CPA6: variants seen among roughly 807,000 people sequenced by gnomAD.
The protein encoded by CPA6 is carboxypeptidase A6, also known as carboxypeptidase B.
Under a neutral mutation model 63.3 loss-of-function variants are expected in CPA6, and 58 were observed. The observed-to-expected ratio is 0.92, with a 90% CI of 0.74 to 1.14. CPA6 has a LOEUF of 1.14. CPA6 is among the 50% of genes most tolerant of loss of function. CPA6 has a pLI of 0.00. For missense variants in CPA6, 565 were observed against 526.6 expected (o/e 1.07, Z -0.71); for synonymous variants, 185 against 179.0 (o/e 1.03, Z -0.27).
intron 1 of CPA6, among the ~76,000 whole-genome samples, chr8:67,743,718 T>C (rs1817954956): frequency 1.3e-5 from 2 of 152,176 alleles, no homozygotes; most frequent in Non-Finnish European, 2.9e-5. Context: ...TACTAGTTTA[T>C]GTCTAAAGAG....
intron 1 of CPA6, among the ~76,000 whole-genome samples, chr8:67,676,014 C>A (rs1470710928): frequency 6.6e-6 from 1 of 152,198 alleles, no homozygotes; most frequent in African/African-American, 2.4e-5. Flanking sequence ...CCATGACCAA[C>A]CTGTACGTTT....
rs112600733 is a variant in CPA6 at position 67,510,124 on chromosome 8, A to G, written c.433-506T>C. Among the ~76,000 whole-genome samples the G allele has an allele frequency of 2.7e-3, 405 of 152,328 alleles. 2 individuals are homozygous for G. The highest frequency in any genetic ancestry group is 9.1e-3 in the African/African-American group (380 of 41,590). ...TTTAAAGGTTCTTTTACTGAGCTAC[A>G]TATCAGAGGGCAAACTCTGAATAAT... On this transcript the variant is annotated intron_variant, in intron 4 of 10. Coordinates refer to ENST00000297770, the MANE Select transcript of CPA6 (RefSeq NM_020361.5).
At chr8:67,721,951 TCAATGGAAGC>T (rs1483766827) in intron 1 of CPA6, among the ~76,000 whole-genome samples, 10 of 152,296 alleles carry the variant, frequency 6.6e-5, no homozygotes, top group African/African-American at 2.4e-4. Flanking sequence ...TTTCGGCCAG[TCAATGGAAGC>T]CAATTGTTCA....
intron 1 of CPA6, among the ~76,000 whole-genome samples, chr8:67,734,566 G>A (rs1319903139): frequency 1.3e-5 from 2 of 152,110 alleles, no homozygotes; most frequent in Non-Finnish European, 2.9e-5. Flanking sequence ...TCCCCCATAT[G>A]TATCCTTTTT....
intron 1 of CPA6, among the ~76,000 whole-genome samples, chr8:67,662,036 T>C (rs1816120613): frequency 6.6e-6 from 1 of 152,216 alleles, no homozygotes; most frequent in Non-Finnish European, 1.5e-5. Flanking sequence ...CCATCTTGAA[T>C]GTTCCTTCAT....
rs76371410 is a variant in CPA6, at chr8:67,693,709, C to T, written c.116+52305G>A. Among the ~76,000 whole-genome samples the T allele has an allele frequency of 5.5e-3, 832 of 152,244 alleles. 12 individuals carry two copies. Among genetic ancestry groups the T allele is most frequent in the African/African-American group, 0.019 (774 of 41,548 alleles). On this transcript the variant is annotated intron_variant, in intron 1 of 10. Coordinates refer to ENST00000297770, the MANE Select transcript of CPA6 (RefSeq NM_020361.5). Reference sequence around the variant, plus strand: ...ACAAGGAGGTGGGTCCTCACCAGACCCCAAATCTGCTGGCCCTTTCTTCTC... The same window carrying T: ...ACAAGGAGGTGGGTCCTCACCAGACTCCAAATCTGCTGGCCCTTTCTTCTC...
At chr8:67,447,653 G>A (rs1810460662) in intron 8 of CPA6, among the ~76,000 whole-genome samples, 1 of 151,786 alleles carries the variant, frequency 6.6e-6, no homozygotes, top group Non-Finnish European at 1.5e-5. Flanking sequence ...TGCTAAGATT[G>A]TTACTATTTA....
At chr8:67,567,581 C>T (rs1813370647) in intron 2 of CPA6, among the ~76,000 whole-genome samples, 1 of 152,170 alleles carries the variant, frequency 6.6e-6, no homozygotes, top group African/African-American at 2.4e-5. Context: ...GGAAAATCAA[C>T]TAGAACTATT....
At chr8:67,529,814 C>T (rs1237235540) in intron 2 of CPA6, among the ~76,000 whole-genome samples, 1 of 151,996 alleles carries the variant, frequency 6.6e-6, no homozygotes, top group Non-Finnish European at 1.5e-5. Flanking sequence ...CCAATCATAC[C>T]CCAAGAAGTC....
intron 8 of CPA6, among the ~76,000 whole-genome samples, chr8:67,453,183 CAT>C (rs1281365455): frequency 6.6e-6 from 1 of 152,040 alleles, no homozygotes; most frequent in African/African-American, 2.4e-5. Context: ...CAGTAACCCA[CAT>C]GAGAGATGAT....
chr8:67,696,441 T>C (rs1205751252), intron 1 of CPA6, among the ~76,000 whole-genome samples: 2 of 152,192 alleles, frequency 1.3e-5, no homozygotes, highest in Non-Finnish European at 2.9e-5. Flanking sequence ...TTCAAAATGG[T>C]ATAGCTTCTT....
chr8:67,660,322 G>GTTTTTTTTTTTTTT (rs869189030), intron 1 of CPA6, among the ~76,000 whole-genome samples: 2 of 73,908 alleles, frequency 2.7e-5, no homozygotes, highest in African/African-American at 1.3e-4. Flanking sequence ...ATTATTGCAG[G>GTTTTTTTTTTTTTT]TTTTTTTTTT....
intron 1 of CPA6, among the ~76,000 whole-genome samples, chr8:67,719,826 A>G (rs67902240): frequency 0.047 from 7,142 of 152,246 alleles, 278 homozygotes; most frequent in Non-Finnish European, 0.075. Context: ...TCTAAATTGA[A>G]TGAGAATAAG....
At chr8:67,676,272 C>T (rs1816472765) in intron 1 of CPA6, among the ~76,000 whole-genome samples, 1 of 152,180 alleles carries the variant, frequency 6.6e-6, no homozygotes, top group African/African-American at 2.4e-5. Context: ...GCATTCACTT[C>T]CCACCAAGTG....
At chr8:67,613,919 T>C (rs970709537) in intron 2 of CPA6, among the ~76,000 whole-genome samples, 1 of 152,140 alleles carries the variant, frequency 6.6e-6, no homozygotes, top group Non-Finnish European at 1.5e-5. Flanking sequence ...ATCTGAACTC[T>C]GAGAGGAGTT....
At chr8:67,713,897 TTTTC>T (rs751760829) in intron 1 of CPA6, among the ~76,000 whole-genome samples, 8 of 152,230 alleles carry the variant, frequency 5.3e-5, no homozygotes, top group Non-Finnish European at 1.0e-4. Context: ...TACTTTCTGC[TTTTC>T]TTTCTTAGCA....
At chr8:67,698,061 C>T (rs1468463609) in intron 1 of CPA6, among the ~76,000 whole-genome samples, 8 of 152,088 alleles carry the variant, frequency 5.3e-5, no homozygotes, top group South Asian at 2.1e-4. Flanking sequence ...TCACTCAATG[C>T]GAAATCTTAC....
chr8:67,706,438 A>T (rs976024448), intron 1 of CPA6, among the ~76,000 whole-genome samples: 2 of 152,218 alleles, frequency 1.3e-5, no homozygotes, highest in Non-Finnish European at 2.9e-5. Context: ...ACAGTTTCAC[A>T]TGAAAGGCAT....
At chr8:67,485,668 C>T (rs1811462513) in intron 6 of CPA6, among the ~76,000 whole-genome samples, 1 of 152,166 alleles carries the variant, frequency 6.6e-6, no homozygotes. Flanking sequence ...AATAAATATG[C>T]TTGCACATTT....
Sources: gnomAD v4.1 joint callset for allele counts (sites outside exome capture counted in the v4.1 genomes callset) on GRCh38, gnomAD v4.1.1 for gene constraint, MANE v1.5 for transcripts, NCBI Gene and HGNC (gene_info 2026-07-23, HGNC 2026-07-21) for gene names.